The following MELK variants were observed in gnomAD, a reference collection of about 807,000 sequenced individuals.
MELK encodes pEg3 kinase.
In MELK, 81 loss-of-function variants were observed where a neutral mutation model predicts 85.0. The observed-to-expected ratio is 0.95, with a 90% CI of 0.80 to 1.15. The LOEUF (loss-of-function observed/expected upper bound fraction) is 1.15, where lower values mean the gene tolerates loss of function less well. Ranked by LOEUF, MELK falls within the 50% of genes most tolerant of loss-of-function variation. MELK has a pLI of 0.00. For missense variants in MELK, 754 were observed against 777.5 expected, an observed-to-expected ratio of 0.97 and a Z score of 0.36; for synonymous variants, 252 against 265.0, an observed-to-expected ratio of 0.95 and a Z score of 0.48.
chr9:36,587,793 C>T (rs1201748426), intron 3 of MELK, among the ~76,000 whole-genome samples: 10 of 146,720 alleles, frequency 6.8e-5, no homozygotes, highest in African/African-American at 1.8e-4. Context: ...TTAATTTTTT[C>T]GATACAGAGT....
chr9:36,669,406 GGTAA>G lies in MELK; in HGVS notation c.1505+3_1505+6del, dbSNP rs75884578. 1.5e-5 allele frequency: 24 copies of G among 1,587,908 alleles called. No individual in the cohort carries two copies. Among genetic ancestry groups the G allele is most frequent in the Admixed American group, 5.5e-5 (3 of 54,594 alleles). ...ACAGGTGTCATTAGCCCTGAGAGGCGGTAAGTGTTTGGTTTTTTTAGACTCTAAT... is the reference window on the plus strand; with the variant it reads ...ACAGGTGTCATTAGCCCTGAGAGGCGGTGTTTGGTTTTTTTAGACTCTAAT... On this transcript the variant is annotated splice_donor_variant and splice_donor_region_variant and intron_variant, in intron 15 of 17. Coordinates refer to ENST00000298048, the MANE Select transcript of MELK (RefSeq NM_014791.4). LOFTEE classifies it high-confidence loss of function.
At chr9:36,615,986 T>C (rs1196049781) in intron 8 of MELK, among the ~76,000 whole-genome samples, 1 of 151,326 alleles carries the variant, frequency 6.6e-6, no homozygotes, top group Admixed American at 6.6e-5. Context: ...CTCGGCACTT[T>C]GGGAGGCCAA....
intron 8 of MELK, among the ~76,000 whole-genome samples, chr9:36,620,954 C>G (rs778670123): frequency 3.4e-4 from 51 of 151,954 alleles, no homozygotes; most frequent in Non-Finnish European, 6.3e-4. Flanking sequence ...CTTAAATATC[C>G]CTAAACTAAG....
chr9:36,574,430 C>CAA lies in MELK; in HGVS notation c.-39+1445_-39+1446dup, dbSNP rs78915626. Among the ~76,000 whole-genome samples, 744 of 79,842 alleles carry CAA rather than the reference C, an allele frequency of 9.3e-3. 6 individuals carry two copies. Among genetic ancestry groups the CAA allele is most frequent in the Non-Finnish European group, 0.017 (600 of 34,442 alleles). The allele number at this position is 79,842 out of a possible 152,430, so 52.4% of individuals were successfully genotyped here. A position where few individuals can be genotyped will look rare whatever the true frequency, so the allele number is the denominator to read the frequency against. Reference sequence around the variant, plus strand: ...CGAAACCCCGTCTCTACTAAAAATACAAAAAAAAAAAAAAAAAAAAAAATT... The same window carrying CAA: ...CGAAACCCCGTCTCTACTAAAAATACAAAAAAAAAAAAAAAAAAAAAAAAATT... On this transcript the variant is annotated intron_variant, in intron 1 of 17. Transcript: ENST00000298048.
intron 8 of MELK, among the ~76,000 whole-genome samples, chr9:36,618,053 T>C (rs927609459): frequency 6.6e-6 from 1 of 151,896 alleles, no homozygotes; most frequent in African/African-American, 2.4e-5. Flanking sequence ...TGCTTGAGCC[T>C]AGGAGTTCAA....
rs73645804 is a variant in MELK, at chr9:36,576,173, G to A, written c.-39+3166G>A. Among the ~76,000 whole-genome samples, 653 of 152,238 alleles carry A rather than the reference G, an allele frequency of 4.3e-3. 2 individuals are homozygous for A. Among genetic ancestry groups the A allele is most frequent in the African/African-American group, 0.015 (629 of 41,538 alleles). The stretch of plus-strand genomic sequence containing the variant: ...CCTCTGTGATATCTCCTTGCCTTGA[G>A]TAACTTTTTCTACTCCAGTGGAAGC... On this transcript the variant is annotated intron_variant, in intron 1 of 17. Coordinates refer to ENST00000298048, the MANE Select transcript of MELK (RefSeq NM_014791.4).
At chr9:36,644,954 T>C (rs1830093192) in intron 11 of MELK, among the ~76,000 whole-genome samples, 2 of 152,080 alleles carry the variant, frequency 1.3e-5, no homozygotes, top group Admixed American at 1.3e-4. Context: ...TCTACAAACT[T>C]TAAAAATCTG....
At chr9:36,580,516 G>A (rs528441468) in intron 1 of MELK, among the ~76,000 whole-genome samples, 2 of 150,692 alleles carry the variant, frequency 1.3e-5, no homozygotes, top group Admixed American at 6.6e-5. Flanking sequence ...GACGGGTTTC[G>A]TCATGTTGGT....
chr9:36,656,242 C>T (rs1831228768), intron 12 of MELK, among the ~76,000 whole-genome samples: 1 of 152,096 alleles, frequency 6.6e-6, no homozygotes, highest in South Asian at 2.1e-4. Flanking sequence ...AAAGAAGAAA[C>T]CTATATTTCG....
At chr9:36,654,243 TAGATACGTATAC>T (rs1187452946) in intron 12 of MELK, among the ~76,000 whole-genome samples, 1 of 152,008 alleles carries the variant, frequency 6.6e-6, no homozygotes, top group Non-Finnish European at 1.5e-5. Context: ...AGAAAGCTAT[TAGATACGTATAC>T]CTCTATGCTT....
intron 8 of MELK, among the ~76,000 whole-genome samples, chr9:36,629,656 C>T (rs1828321763): frequency 6.6e-6 from 1 of 152,112 alleles, no homozygotes. Flanking sequence ...ATAATTGTTT[C>T]AGCAGTATAA....
At chr9:36,589,927 T>TC (rs1823359182) in intron 4 of MELK, among the ~76,000 whole-genome samples, 1 of 149,770 alleles carries the variant, frequency 6.7e-6, no homozygotes, top group African/African-American at 2.5e-5. Flanking sequence ...CTAGTTTTTT[T>TC]TTTTTTTTTT....
intron 12 of MELK, among the ~76,000 whole-genome samples, chr9:36,656,521 A>G (rs1374125693): frequency 6.6e-6 from 1 of 152,208 alleles, no homozygotes; most frequent in Non-Finnish European, 1.5e-5. Flanking sequence ...GCCTTGCCCT[A>G]TGCCTGGAAT....
chr9:36,660,239 T>C (rs1831657186), intron 13 of MELK, among the ~76,000 whole-genome samples: 1 of 152,254 alleles, frequency 6.6e-6, no homozygotes, highest in African/African-American at 2.4e-5. Flanking sequence ...AACTTTTTTT[T>C]CAGCATTTTT....
At chr9:36,610,496 A>G (rs1182558481) in intron 8 of MELK, among the ~76,000 whole-genome samples, 2 of 152,228 alleles carry the variant, frequency 1.3e-5, no homozygotes, top group Non-Finnish European at 2.9e-5. Context: ...TTGGGGACCC[A>G]TGTGTGTCCA....
intron 1 of MELK, among the ~76,000 whole-genome samples, chr9:36,579,360 T>C (rs1436038208): frequency 6.6e-6 from 1 of 152,080 alleles, no homozygotes. Flanking sequence ...GACCGGGTTT[T>C]ACTATGTTGG....
chr9:36,596,567 TTTTTGTTTTTTTTGTTTTTTTTG>T (rs1824278789), intron 5 of MELK, among the ~76,000 whole-genome samples: 5 of 98,014 alleles, frequency 5.1e-5, no homozygotes, highest in African/African-American at 2.7e-4. Flanking sequence ...CTTTTTGTTT[TTTTTGTTTTTTTTGTTTTTTTTG>T]TTTTTTTTTT....
At chr9:36,651,475 T>C (rs1830691471) in intron 11 of MELK, among the ~76,000 whole-genome samples, 1 of 152,114 alleles carries the variant, frequency 6.6e-6, no homozygotes, top group South Asian at 2.1e-4. Context: ...CTGAAAAAAA[T>C]TTTAAGCTAT....
At chr9:36,656,294 A>G (rs957126252) in intron 12 of MELK, among the ~76,000 whole-genome samples, 1 of 152,110 alleles carries the variant, frequency 6.6e-6, no homozygotes, top group Non-Finnish European at 1.5e-5. Flanking sequence ...AGATCTTTTT[A>G]TTTGTAAATT....
Sources: gnomAD v4.1 joint callset for allele counts (sites outside exome capture counted in the v4.1 genomes callset) on GRCh38, gnomAD v4.1.1 for gene constraint, MANE v1.5 for transcripts, NCBI Gene and HGNC (gene_info 2026-07-23, HGNC 2026-07-21) for gene names.